PTPRN2: variants seen among roughly 807,000 people sequenced by gnomAD.
PTPRN2 encodes receptor-type tyrosine-protein phosphatase N2.
PTPRN2 carries 74 observed loss-of-function variants against 118.8 expected under a neutral mutation model. That is an observed-to-expected ratio of 0.62 (90% CI 0.52 to 0.76). The LOEUF (loss-of-function observed/expected upper bound fraction) is 0.76. Ranked by LOEUF, PTPRN2 falls within the 30% of genes least tolerant of loss-of-function variation. The pLI, the probability that PTPRN2 is intolerant of heterozygous loss-of-function variation, is 0.00. For missense variants in PTPRN2, 1,481 were observed against 1,394.4 expected (o/e 1.06, Z -0.99); for synonymous variants, 641 against 608.0 (o/e 1.05, Z -0.80).
chr7:158,081,407 A>G (rs1252291349), intron 10 of PTPRN2, 30 bp from the exon 11 acceptor site: 1 of 1,600,132 alleles, frequency 6.2e-7, no homozygotes, highest in South Asian at 1.1e-5. Flanking sequence ...ATAAGTTCAT[A>G]ACGAAGTCTA....
chr7:157,650,762 G>A (rs1805599692), intron 14 of PTPRN2, among the ~76,000 whole-genome samples: 1 of 152,390 alleles, frequency 6.6e-6, no homozygotes, highest in East Asian at 1.9e-4. Flanking sequence ...GTGGGGTGCA[G>A]GGGACCCCAG....
At chr7:158,080,095 C>T (rs574046442) in intron 11 of PTPRN2, among the ~76,000 whole-genome samples, 7 of 152,048 alleles carry the variant, frequency 4.6e-5, no homozygotes, top group Admixed American at 2.6e-4. Flanking sequence ...AAGCAAAACC[C>T]GCAGCAGCCA....
chr7:158,102,187 A>G (rs1815283065), intron 10 of PTPRN2, among the ~76,000 whole-genome samples: 2 of 152,186 alleles, frequency 1.3e-5, no homozygotes, highest in African/African-American at 4.8e-5. Context: ...CAGGGCGGCC[A>G]GGAGGGAACC....
chr7:157,827,945 T>C (rs1807297165), intron 12 of PTPRN2, among the ~76,000 whole-genome samples: 1 of 152,204 alleles, frequency 6.6e-6, no homozygotes. Flanking sequence ...AGGACACAGT[T>C]GGGCTGACAG....
At chr7:157,915,918 C>A (rs983670256) in intron 11 of PTPRN2, among the ~76,000 whole-genome samples, 1 of 152,176 alleles carries the variant, frequency 6.6e-6, no homozygotes, top group Non-Finnish European at 1.5e-5. Context: ...AATGGGAACT[C>A]CCACATCTCC....
chr7:158,385,065 T>G (rs1255859962), intron 2 of PTPRN2, among the ~76,000 whole-genome samples: 1 of 152,170 alleles, frequency 6.6e-6, no homozygotes, highest in South Asian at 2.1e-4. Flanking sequence ...CTAATGGAGT[T>G]TCTGATGTTT....
At chr7:158,136,760 T>C in intron 7 of PTPRN2, 65 bp from the exon 8 acceptor site, 3 of 1,528,936 alleles carry the variant, frequency 2.0e-6, no homozygotes, top group Middle Eastern at 1.7e-4. Context: ...GCCACAGACA[T>C]AAAAAGGGTG....
At chr7:157,956,256 A>C (rs1230687400) in intron 11 of PTPRN2, among the ~76,000 whole-genome samples, 1 of 152,134 alleles carries the variant, frequency 6.6e-6, no homozygotes, top group Non-Finnish European at 1.5e-5. Context: ...CGTGTTGGAG[A>C]CAGCAAGAGA....
chr7:157,584,538 T>C (rs1324716869), intron 17 of PTPRN2, among the ~76,000 whole-genome samples: 4 of 152,248 alleles, frequency 2.6e-5, no homozygotes, highest in Non-Finnish European at 5.9e-5. Context: ...AAAACAAGCA[T>C]GGTAACTGCA....
chr7:157,901,417 G>A (rs116507773), intron 11 of PTPRN2, among the ~76,000 whole-genome samples: 175 of 152,296 alleles, frequency 1.1e-3, no homozygotes, highest in African/African-American at 4.0e-3. Flanking sequence ...AGTTGCAGGC[G>A]TGCGGGGAAG....
intron 12 of PTPRN2, among the ~76,000 whole-genome samples, chr7:157,827,162 C>A (rs1183434970): frequency 6.6e-6 from 1 of 152,140 alleles, no homozygotes; most frequent in East Asian, 1.9e-4. Flanking sequence ...CAAAACCTAA[C>A]CCTAACTCCT....
chr7:158,006,056 G>A (rs928320342), intron 11 of PTPRN2, among the ~76,000 whole-genome samples: 4 of 152,188 alleles, frequency 2.6e-5, no homozygotes, highest in Admixed American at 2.6e-4. Context: ...CATGTTCAAA[G>A]CTCCTTTTCA....
At chr7:157,745,532 C>T (rs1198310416) in intron 12 of PTPRN2, among the ~76,000 whole-genome samples, 2 of 151,900 alleles carry the variant, frequency 1.3e-5, no homozygotes, top group East Asian at 1.9e-4. Context: ...TGGGCTCCTC[C>T]GACAATGCTC....
rs756129596 is a variant in PTPRN2, at chr7:157,718,628, G to A, written c.1789-35691C>T. Among the ~76,000 whole-genome samples the A allele has an allele frequency of 2.9e-5, 4 of 139,050 alleles. 1 individual carries two copies. Among genetic ancestry groups the A allele is most frequent in the East Asian group, 4.7e-4 (2 of 4,272 alleles). The allele number at this position is 139,050 out of a possible 152,430, so 91.2% of individuals were successfully genotyped here. ...CTGAGGTGACACTGCAGCCTCTCTC[G>A]GTGGCCCCGTGGTGAGTCTCAGCAT... On this transcript the variant is annotated intron_variant, in intron 12 of 22. Coordinates refer to ENST00000389418, the MANE Select transcript of PTPRN2 (RefSeq NM_002847.5).
chr7:157,941,238 C>G (rs1242541376), intron 11 of PTPRN2, among the ~76,000 whole-genome samples: 1 of 81,754 alleles, frequency 1.2e-5, no homozygotes, highest in South Asian at 4.2e-4. Context: ...ACACCCTCCC[C>G]ACCATGACAC....
chr7:158,520,748 CG>C (rs1207637640), intron 1 of PTPRN2, among the ~76,000 whole-genome samples: 6 of 152,172 alleles, frequency 3.9e-5, no homozygotes, highest in Admixed American at 6.5e-5. Flanking sequence ...GAAGAACGAT[CG>C]GGTGGCTGCT....
chr7:158,164,502 G>A (rs545992093), intron 6 of PTPRN2, among the ~76,000 whole-genome samples: 43 of 148,806 alleles, frequency 2.9e-4, no homozygotes, highest in Admixed American at 6.6e-4. Context: ...GCGGGAGCGC[G>A]CGCGTAGGGA....
At chr7:158,562,247 G>A (rs1422377340) in intron 1 of PTPRN2, among the ~76,000 whole-genome samples, 1 of 152,124 alleles carries the variant, frequency 6.6e-6, no homozygotes, top group East Asian at 1.9e-4. Flanking sequence ...TTCTCGCCAT[G>A]GTCTCACTCC....
chr7:158,431,494 C>T (rs1816183661), intron 2 of PTPRN2, among the ~76,000 whole-genome samples: 1 of 42,988 alleles, frequency 2.3e-5, no homozygotes, highest in Non-Finnish European at 4.6e-5. Flanking sequence ...CACTGGCTTG[C>T]ACTGGGCTCA....
Sources: gnomAD v4.1 joint callset for allele counts (sites outside exome capture counted in the v4.1 genomes callset) on GRCh38, gnomAD v4.1.1 for gene constraint, MANE v1.5 for transcripts, NCBI Gene and HGNC (gene_info 2026-07-23, HGNC 2026-07-21) for gene names.